APBA2: variants seen among roughly 807,000 people sequenced by gnomAD.
The protein encoded by APBA2 is amyloid beta precursor protein binding family A member 2.
In APBA2, 30 loss-of-function variants were observed where a neutral mutation model predicts 75.0. That is an observed-to-expected ratio of 0.40 (90% confidence interval 0.30 to 0.54). The LOEUF (loss-of-function observed/expected upper bound fraction) is 0.54, where lower values mean the gene tolerates loss of function less well. APBA2 is among the 20% of genes least tolerant of loss of function. The pLI, the probability that APBA2 is intolerant of heterozygous loss-of-function variation, is 0.49. For missense variants in APBA2, 801 were observed against 1,016.1 expected, an observed-to-expected ratio of 0.79 and a Z score of 2.88; for synonymous variants, 444 against 409.6, an observed-to-expected ratio of 1.08 and a Z score of -1.01.
chr15:28,889,249 G>T (rs752587875), intron 1 of APBA2, among the ~76,000 whole-genome samples: 1 of 152,188 alleles, frequency 6.6e-6, no homozygotes, highest in Non-Finnish European at 1.5e-5. Context: ...TCCCTGTCCA[G>T]ACACACAAGG....
In APBA2 at chr15:29,053,890, C is replaced by G. The variant is rs1195378206; in HGVS notation, c.6C>G (p.Ala2=). The change falls in exon 4 of 15, where the codon GCC becomes GCG. Residue 2 remains alanine, a synonymous_variant. Coordinates refer to ENST00000683413, the MANE Select transcript of APBA2 (RefSeq NM_001353788.2). ...TGGCTGTGTGAACGACTGCCATGGC[C>G]CACCGGAAGCTTGAGAGCGTGGGGA... is the stretch of plus-strand genomic sequence containing the variant. M[A]HRKLESVGSG... 1 of 1,610,686 alleles carries G rather than the reference C, an allele frequency of 6.2e-7. No individual in the cohort carries two copies. Among genetic ancestry groups the G allele is most frequent in the Non-Finnish European group, 8.5e-7 (1 of 1,177,502 alleles).
At position 28,928,848 on chromosome 15, in the gene APBA2, T is replaced by G. The variant is rs187554971; in HGVS notation, c.-95+7099T>G. Among the ~76,000 whole-genome samples the G allele has an allele frequency of 8.5e-5, 13 of 152,276 alleles. No individual in the cohort carries two copies. The East Asian group carries it at 2.5e-3, about 29-fold the overall frequency. On this transcript the variant is annotated intron_variant, in intron 2 of 14. Transcript: ENST00000683413. The stretch of plus-strand genomic sequence containing the variant: ...TTTGGGCCCCCCTAAGACTGTGGCT[T>G]CTAGGAGTTTCTCAGTCATGGGAGT...
chr15:29,099,745 T>A (rs954032941), intron 9 of APBA2, among the ~76,000 whole-genome samples: 1 of 152,188 alleles, frequency 6.6e-6, no homozygotes, highest in African/African-American at 2.4e-5. Context: ...CCAGTGTACA[T>A]GGAGGGTGCC....
intron 1 of APBA2, among the ~76,000 whole-genome samples, chr15:28,896,421 A>T (rs552601265): frequency 9.5e-4 from 144 of 152,162 alleles, no homozygotes; most frequent in African/African-American, 3.4e-3. Flanking sequence ...CTGGGACTAC[A>T]GGCGCCCGCC....
rs148683123 is a variant in APBA2, at chr15:28,914,016, C to T, written c.-204-7624C>T. Among the ~76,000 whole-genome samples, 213 of 152,358 alleles carry T rather than the reference C, an allele frequency of 1.4e-3. 1 individual carries two copies. The highest frequency in any genetic ancestry group is 4.9e-3 in the African/African-American group (205 of 41,582). On this transcript the variant is annotated intron_variant, in intron 1 of 14. Coordinates refer to ENST00000683413, the MANE Select transcript of APBA2 (RefSeq NM_001353788.2). The stretch of plus-strand genomic sequence containing the variant: ...TATGCCAACTGCAGGCTATTTCTCC[C>T]TCCAAGTGGAAGTCCTTGAGGTGAA...
At chr15:29,059,100 A>G (rs766985472) in intron 4 of APBA2, among the ~76,000 whole-genome samples, 2 of 152,052 alleles carry the variant, frequency 1.3e-5, no homozygotes, top group African/African-American at 2.4e-5. Context: ...GAGTCACCCA[A>G]CTCTCACGTT....
intron 3 of APBA2, among the ~76,000 whole-genome samples, chr15:29,050,993 G>A (rs1362345359): frequency 2.0e-5 from 3 of 152,184 alleles, no homozygotes; most frequent in Non-Finnish European, 4.4e-5. Context: ...AGACATGGAC[G>A]TCTGGTTGCA....
intron 2 of APBA2, among the ~76,000 whole-genome samples, chr15:28,957,146 C>T (rs1434449823): frequency 6.6e-6 from 1 of 152,004 alleles, no homozygotes; most frequent in Admixed American, 6.5e-5. Flanking sequence ...AATCTCAGCT[C>T]ACTGCAAGCT....
chr15:28,914,859 C>T (rs1164714455), intron 1 of APBA2, among the ~76,000 whole-genome samples: 2 of 151,892 alleles, frequency 1.3e-5, no homozygotes, highest in Admixed American at 6.6e-5. Flanking sequence ...AGGTCGTCAT[C>T]GCTGTGTGTC....
chr15:29,011,821 A>C (rs1164451710), intron 3 of APBA2, among the ~76,000 whole-genome samples: 1 of 152,040 alleles, frequency 6.6e-6, no homozygotes, highest in Non-Finnish European at 1.5e-5. Context: ...TCCCTTTATA[A>C]ATTTTGAGTG....
At chr15:29,013,146 T>A (rs533849704) in intron 3 of APBA2, among the ~76,000 whole-genome samples, 67 of 152,274 alleles carry the variant, frequency 4.4e-4, no homozygotes, top group African/African-American at 1.6e-3. Context: ...ATAATATTTT[T>A]TTTTACTTCT....
At position 29,117,439 on chromosome 15, in the gene APBA2, A is replaced by AGT. The variant is rs371124317; in HGVS notation, c.*313_*314dup. 6.5e-6 allele frequency: 3 copies of AGT among 462,970 alleles called. No homozygotes were observed. Among genetic ancestry groups the AGT allele is most frequent in the Non-Finnish European group, 1.2e-5 (3 of 252,184 alleles). 28.7% of individuals were successfully genotyped at this position (462,970 alleles called of 1,614,324 possible). On this transcript the variant is annotated 3_prime_UTR_variant, in exon 15 of 15. Transcript: ENST00000683413. ...GTCTCGGTAGCTGTGCGTGGTGTGGAGTGTGTGTCTTTCCTCCCTGAAGCT... is the reference window on the plus strand; with the variant it reads ...GTCTCGGTAGCTGTGCGTGGTGTGGAGTGTGTGTGTCTTTCCTCCCTGAAGCT...
chr15:28,999,156 G>GA (rs752977003), intron 3 of APBA2, among the ~76,000 whole-genome samples: 82 of 124,498 alleles, frequency 6.6e-4, no homozygotes, highest in African/African-American at 1.5e-3. Context: ...CAAAAAAAAA[G>GA]AAAAAAAAAA....
intron 1 of APBA2, among the ~76,000 whole-genome samples, chr15:28,903,002 C>T (rs575626628): frequency 2.5e-4 from 38 of 152,234 alleles, no homozygotes; most frequent in African/African-American, 8.7e-4. Context: ...GGGGGCCATC[C>T]CTGGGAGAGA....
rs28498173 is a variant in APBA2 at position 29,076,189 on chromosome 15, A to G, written c.1069+98A>G. ...GGGCATTCACCTGCAAAGCTTGTTT[A>G]CAAAGCGTGCCTACCTACCAGCAAG... On this transcript the variant is annotated intron_variant, in intron 6 of 14. Transcript: ENST00000683413. 1.6e-3 allele frequency: 2,125 copies of G among 1,310,612 alleles called. 32 individuals carry two copies. In the African/African-American group the frequency reaches 0.027, roughly 17 times the overall value. 81.2% of individuals were successfully genotyped at this position (1,310,612 alleles called of 1,614,324 possible).
chr15:29,113,924 G>A lies in APBA2; in HGVS notation c.2086G>A (p.Val696Met). ...CATTGCTGAGCGAGGGGGCGTCCGT[G>A]TGGGCCACCGCATCATCGAGATCAA... ...GGIAERGGVRVGHRIIEINGQ... is the reference protein window; with the variant it reads ...GGIAERGGVRMGHRIIEINGQ... The change falls in exon 14 of 15, where the codon GTG (valine) becomes ATG (methionine). Residue 696 changes from valine (V) to methionine (M), a missense_variant. By Grantham distance (21) the Val-to-Met change is conservative. Transcript: ENST00000683413. 6.2e-7 allele frequency: 1 copy of A among 1,613,368 alleles called. No homozygotes were observed.
At chr15:28,985,060 T>C (rs1440713140) in intron 2 of APBA2, among the ~76,000 whole-genome samples, 3 of 152,302 alleles carry the variant, frequency 2.0e-5, no homozygotes, top group African/African-American at 4.8e-5. Context: ...GTCCAGTCTG[T>C]ACACATTGGA....
At chr15:28,996,458 T>TA (rs2152794208) in intron 3 of APBA2, among the ~76,000 whole-genome samples, 1 of 152,278 alleles carries the variant, frequency 6.6e-6, no homozygotes, top group Non-Finnish European at 1.5e-5. Context: ...CCTTGCCCTG[T>TA]AGGACTGGTA....
chr15:28,905,951 T>A (rs1192124935), intron 1 of APBA2, among the ~76,000 whole-genome samples: 1 of 152,202 alleles, frequency 6.6e-6, no homozygotes, highest in Non-Finnish European at 1.5e-5. Flanking sequence ...CCCCCCAAGT[T>A]TCACCACTGC....
Sources: allele counts gnomAD v4.1 joint callset (sites outside exome capture counted in the v4.1 genomes callset), GRCh38; gene constraint gnomAD v4.1.1; transcripts MANE v1.5; gene names NCBI Gene and HGNC (gene_info 2026-07-23, HGNC 2026-07-21).